SYNE2: variants seen among roughly 807,000 people sequenced by gnomAD.
SYNE2 encodes the protein nesprin-2.
Under a neutral mutation model 856.3 loss-of-function variants are expected in SYNE2, and 431 were observed. The observed-to-expected ratio is 0.50, with a 90% CI of 0.47 to 0.55. The LOEUF is 0.55. Among genes scored for constraint, SYNE2 ranks in the 20% least tolerant of loss-of-function variants. The pLI is 0.00. For synonymous variants in SYNE2, 2,923 were observed against 2,872.3 expected, an observed-to-expected ratio of 1.02 and a Z score of -0.56; for missense variants, 8,129 against 8,023.2, an observed-to-expected ratio of 1.01 and a Z score of -0.50.
intron 1 of SYNE2, among the ~76,000 whole-genome samples, chr14:63,893,660 G>A (rs1409082099): frequency 6.6e-6 from 1 of 152,022 alleles, no homozygotes. Context: ...GCAACTATAT[G>A]GCATACACTA....
intron 1 of SYNE2, among the ~76,000 whole-genome samples, chr14:63,824,423 A>G (rs1263811310): frequency 2.6e-5 from 4 of 151,718 alleles, no homozygotes; most frequent in Non-Finnish European, 5.9e-5. Context: ...TGGATCACCT[A>G]AGGTCAGGAG....
chr14:64,094,264 G>A (rs1329278638), intron 61 of SYNE2, among the ~76,000 whole-genome samples: 2 of 151,928 alleles, frequency 1.3e-5, no homozygotes, highest in Admixed American at 6.6e-5. Flanking sequence ...AACCTGGGAG[G>A]CAGAGCTTGC....
chr14:64,155,575 T>TAA (rs562563652), intron 85 of SYNE2, among the ~76,000 whole-genome samples: 3,730 of 131,734 alleles, frequency 0.028, 66 homozygotes, highest in African/African-American at 0.053. Flanking sequence ...TTCAATAAAG[T>TAA]AAAAAAAAAA....
At position 64,024,308 on chromosome 14, in the gene SYNE2, G is replaced by A. The variant is rs773841153; in HGVS notation, c.5689G>A (p.Val1897Ile). The change falls in exon 39 of 116, where the codon GTA becomes ATA. Residue 1897 changes from valine to isoleucine, a missense_variant. Val to Ile is a conservative substitution (Grantham distance 29). Transcript: ENST00000555002. ...CAGTAAAATAAAGCAGGTGGACAGCGTACTGAAGCATGTGAAGAAGCATCT... is the reference window on the plus strand; with the variant it reads ...CAGTAAAATAAAGCAGGTGGACAGCATACTGAAGCATGTGAAGAAGCATCT... ...RNSKIKQVDS[V>I]LKHVKKHLPK... is the part of the protein sequence containing the mutation. 5.1e-5 allele frequency: 83 copies of A among 1,614,046 alleles called. No individual in the cohort carries two copies. The East Asian group carries it at 7.6e-4, about 15-fold the overall frequency.
chr14:64,086,545 A>G (rs970886606), intron 57 of SYNE2, among the ~76,000 whole-genome samples: 1 of 152,118 alleles, frequency 6.6e-6, no homozygotes, highest in Admixed American at 6.6e-5. Context: ...GTCTGTGGGA[A>G]TTTTGAGTGG....
intron 2 of SYNE2, among the ~76,000 whole-genome samples, chr14:63,923,958 C>G (rs2095630244): frequency 6.7e-6 from 1 of 150,030 alleles, no homozygotes; most frequent in African/African-American, 2.5e-5. Context: ...GCCACCACAC[C>G]TGGTTAATTT....
chr14:63,831,915 A>T (rs915375124), intron 1 of SYNE2, among the ~76,000 whole-genome samples: 1 of 152,064 alleles, frequency 6.6e-6, no homozygotes, highest in African/African-American at 2.4e-5. Flanking sequence ...TTATTTTAAA[A>T]ACTAACTAGA....
rs543476920 is a variant in SYNE2, at chr14:64,215,911, C to A, written c.19403-337C>A. 2.3e-6 allele frequency: 3 copies of A among 1,281,844 alleles called. No homozygotes were observed. The South Asian group carries it at 4.7e-5, about 20-fold the overall frequency. 79.4% of individuals were successfully genotyped at this position (1,281,844 alleles called of 1,614,324 possible). On this transcript the variant is annotated intron_variant, in intron 107 of 115. Transcript: ENST00000555002. ...CAAGTCCATCTTGATGTTCACTCTT[C>A]CCCTCACTCCTGAGAGGCCTTCTGC... is the stretch of plus-strand genomic sequence containing the variant.
chr14:64,126,334 T>C lies in SYNE2; in HGVS notation c.13562T>C (p.Met4521Thr), dbSNP rs756784418. Residue 4521 changes from methionine (M) to threonine (T), a missense_variant, in exon 72 of 116, where the codon ATG becomes ACG. Met to Thr is a moderately conservative substitution (Grantham distance 81, BLOSUM62 -1). This residue lies in a region of SYNE2 where 5,410 missense variants were observed against 5,284.8 expected (regional missense o/e 1.02). Coordinates refer to ENST00000555002, the MANE Select transcript of SYNE2 (RefSeq NM_182914.3). ...EASNLQTQEN[M>T]TEEAYINLDK... ...TTTTTCCTCTTGATTCAGGAAAATA[T>C]GACAGAAGAAGCATATATCAATTTG... 2.8e-5 allele frequency: 45 copies of C among 1,613,736 alleles called. No individual in the cohort carries two copies. The highest frequency in any genetic ancestry group is 3.7e-5 in the Non-Finnish European group (44 of 1,179,728).
Position 64,122,325 on chromosome 14 carries a change from G to A in SYNE2, c.13320G>A (p.Ser4440=), listed in dbSNP as rs148270329. ...GCCCTGAAAATGACGTTCCAGACTC[G>A]ATCTTGTCACCCCAGGGCCAAAATG... is the stretch of plus-strand genomic sequence containing the variant. ...ASSPENDVPD[S]ILSPQGQNGD... Residue 4440 remains serine, a synonymous_variant, in exon 70 of 116, where the codon TCG becomes TCA. Coordinates refer to ENST00000555002, the MANE Select transcript of SYNE2 (RefSeq NM_182914.3). 1.1e-5 allele frequency: 18 copies of A among 1,613,964 alleles called. No individual in the cohort carries two copies. In the African/African-American group the frequency reaches 1.9e-4, roughly 17 times the overall value.
Position 63,996,947 on chromosome 14 carries a change from G to T in SYNE2, c.2941G>T (p.Ala981Ser). Residue 981 changes from alanine to serine, a missense_variant and splice_region_variant, in exon 24 of 116, where the codon GCC (alanine) becomes TCC (serine). Around this residue, in one of 3 missense-constraint regions of SYNE2, gnomAD observed 2,422 missense variants for 2,357.4 expected, o/e 1.03. Coordinates refer to ENST00000555002, the MANE Select transcript of SYNE2 (RefSeq NM_182914.3). ...RTKGLIKEHE[A>S]CFSEEGCLYQ... is the part of the protein sequence containing the mutation. ...TTTCCTGCTTTATTTCTTCAATTAG[G>T]CCTGCTTTTCTGAGGAAGGCTGCCT... is the stretch of plus-strand genomic sequence containing the variant. 6.2e-7 allele frequency: 1 copy of T among 1,613,880 alleles called. No individual in the cohort carries two copies. The highest frequency in any genetic ancestry group is 8.5e-7 in the Non-Finnish European group (1 of 1,179,928).
At chr14:64,021,682 A>ATGATAAT (rs2096937091) in intron 36 of SYNE2, among the ~76,000 whole-genome samples, 167 bp downstream of exon 36, 3 of 152,258 alleles carry the variant, frequency 2.0e-5, no homozygotes, top group African/African-American at 4.8e-5. Context: ...TGCTTTGTGC[A>ATGATAAT]TGATAATTAT....
At chr14:64,146,351 C>T in intron 84 of SYNE2, 128 bp downstream of exon 84, 1 of 874,220 alleles carries the variant, frequency 1.1e-6, no homozygotes, top group Non-Finnish European at 1.6e-6. Flanking sequence ...TACTTATTTT[C>T]TTATGTCAAT....
At chr14:63,874,081 T>A (rs2094655536) in intron 1 of SYNE2, 2 of 152,256 alleles carry the variant, frequency 1.3e-5, no homozygotes, top group African/African-American at 4.8e-5. Context: ...AAATGTCATC[T>A]TCCTCTTTAT....
intron 64 of SYNE2, among the ~76,000 whole-genome samples, chr14:64,106,227 G>A (rs1246980308): frequency 6.6e-6 from 1 of 150,566 alleles, no homozygotes; most frequent in Non-Finnish European, 1.5e-5. Context: ...TTCTAAGAAT[G>A]TTGAATATCT....
intron 54 of SYNE2, among the ~76,000 whole-genome samples, 193 bp from the exon 55 acceptor site, chr14:64,078,273 G>A (rs535458277): frequency 6.6e-6 from 1 of 152,250 alleles, no homozygotes; most frequent in Non-Finnish European, 1.5e-5. Flanking sequence ...TTTAAAAGGT[G>A]AAGTAAACAC....
At chr14:64,101,840 G>T in intron 63 of SYNE2, 92 bp from the exon 64 acceptor site, 1 of 880,724 alleles carries the variant, frequency 1.1e-6, no homozygotes, top group South Asian at 1.4e-5. Context: ...CTGATAAGTT[G>T]AGTCTGGTAT....
At chr14:63,973,747 A>G (rs1566946033) in intron 11 of SYNE2, among the ~76,000 whole-genome samples, 1 of 152,158 alleles carries the variant, frequency 6.6e-6, no homozygotes, top group East Asian at 1.9e-4. Context: ...GTAACATCTA[A>G]TGCTTTCATT....
chr14:64,202,109 A>C, intron 99 of SYNE2: 1 of 690,658 alleles, frequency 1.4e-6, no homozygotes, highest in South Asian at 1.5e-5. Context: ...GCCGGATGGG[A>C]GCTGAGGCAG....
Sources: gnomAD v4.1 joint callset for allele counts (sites outside exome capture counted in the v4.1 genomes callset) on GRCh38, gnomAD v4.1.1 for gene constraint, gnomAD v4.1.1 regional missense constraint, MANE v1.5 for transcripts, NCBI Gene and HGNC (gene_info 2026-07-23, HGNC 2026-07-21) for gene names.